The following FBXO38 variants were observed in gnomAD, a reference collection of about 807,000 sequenced individuals.
FBXO38 encodes the protein F-box protein 38.
FBXO38 carries 53 observed loss-of-function variants against 131.9 expected under a neutral mutation model. That is an observed-to-expected ratio of 0.40 (90% CI 0.32 to 0.51). The LOEUF (loss-of-function observed/expected upper bound fraction) is 0.51. FBXO38 is among the 20% of genes least tolerant of loss of function. The pLI, the probability that FBXO38 is intolerant of heterozygous loss-of-function variation, is 0.53. For synonymous variants in FBXO38, 452 were observed against 505.6 expected (o/e 0.89, Z 1.42); for missense variants, 1,076 against 1,475.6 (o/e 0.73, Z 4.44).
intron 5 of FBXO38, 104 bp from the exon 6 acceptor site, chr5:148,404,581 G>A (rs1042742524): frequency 3.1e-6 from 3 of 974,364 alleles, no homozygotes; most frequent in South Asian, 4.9e-5. Context: ...ATCCTTGAAG[G>A]TTAAGCTGTT....
At chr5:148,393,390 A>G (rs13155496) in intron 1 of FBXO38, among the ~76,000 whole-genome samples, 1 of 152,082 alleles carries the variant, frequency 6.6e-6, no homozygotes, top group African/African-American at 2.4e-5. Flanking sequence ...GGCAAAAAAA[A>G]CCTCAGGAAC....
intron 12 of FBXO38, among the ~76,000 whole-genome samples, chr5:148,419,285 A>G (rs1336643132): frequency 6.6e-6 from 1 of 152,230 alleles, no homozygotes; most frequent in African/African-American, 2.4e-5. Context: ...ATTAGATTCC[A>G]CAGGTCACTC....
chr5:148,387,655 A>T (rs540739818), intron 1 of FBXO38, among the ~76,000 whole-genome samples: 19 of 151,132 alleles, frequency 1.3e-4, no homozygotes, highest in Middle Eastern at 3.5e-3. Flanking sequence ...GAGGAATCAC[A>T]GTCTATGGCA....
At chr5:148,411,612 A>T (rs1230018641) in intron 9 of FBXO38, among the ~76,000 whole-genome samples, 1 of 152,134 alleles carries the variant, frequency 6.6e-6, no homozygotes, top group Admixed American at 6.6e-5. Context: ...ATATATTACA[A>T]TAATAGTTGT....
intron 12 of FBXO38, among the ~76,000 whole-genome samples, chr5:148,418,272 C>T (rs868295603): frequency 2.0e-5 from 3 of 152,172 alleles, no homozygotes; most frequent in Non-Finnish European, 4.4e-5. Context: ...TGGTTTTTCT[C>T]CTACCTCATT....
rs1304087067 is a variant in FBXO38, at chr5:148,439,690, A to G, written c.3068A>G (p.Tyr1023Cys). The G allele has an allele frequency of 6.2e-7, 1 of 1,607,870 alleles. No homozygotes were observed. The highest frequency in any genetic ancestry group is 8.5e-7 in the Non-Finnish European group (1 of 1,179,682). Reference sequence around the variant, plus strand: ...GAGCAGAAGCTATTTAGTGGTCCCTACCCCTATCACATCTGTATTATCCAT... The same window carrying G: ...GAGCAGAAGCTATTTAGTGGTCCCTGCCCCTATCACATCTGTATTATCCAT... The part of the protein sequence containing the change: ...TLEQKLFSGP[Y>C]PYHICIIHEF... The change falls in exon 19 of 22, where the codon TAC becomes TGC. Residue 1023 changes from tyrosine to cysteine, a missense_variant. Tyr to Cys is a radical substitution (Grantham distance 194). Transcript: ENST00000340253.
chr5:148,415,512 C>T (rs1753001709), intron 10 of FBXO38: 1 of 201,698 alleles, frequency 5.0e-6, no homozygotes, highest in South Asian at 7.8e-5. Context: ...TATACACTGT[C>T]CTGTAGCTTG....
At chr5:148,438,580 G>A (rs1754486336) in intron 18 of FBXO38, 82 bp downstream of exon 18, 3 of 1,468,336 alleles carry the variant, frequency 2.0e-6, no homozygotes, top group Non-Finnish European at 2.8e-6. Flanking sequence ...TTAGCCTTTT[G>A]GATTTGGCAT....
chr5:148,395,048 C>A, intron 2 of FBXO38, 144 bp downstream of exon 2: 1 of 827,300 alleles, frequency 1.2e-6, no homozygotes, highest in Non-Finnish European at 1.8e-6. Flanking sequence ...TCGTCAGTTG[C>A]ACTGGCTACA....
chr5:148,398,759 C>T (rs758227313), intron 2 of FBXO38, among the ~76,000 whole-genome samples: 49 of 150,846 alleles, frequency 3.2e-4, no homozygotes, highest in Non-Finnish European at 5.5e-4. Flanking sequence ...AGAAGAAAGG[C>T]AGGTTTTATC....
At chr5:148,432,655 C>T (rs772870970) in intron 15 of FBXO38, among the ~76,000 whole-genome samples, 3 of 152,198 alleles carry the variant, frequency 2.0e-5, no homozygotes, top group Non-Finnish European at 2.9e-5. Flanking sequence ...TCTGTTTTAC[C>T]TGTGATGCAT....
chr5:148,437,164 A>G (rs1481187168), intron 17 of FBXO38, among the ~76,000 whole-genome samples: 5 of 152,230 alleles, frequency 3.3e-5, no homozygotes, highest in African/African-American at 1.2e-4. Flanking sequence ...CTCAGGCCCA[A>G]CCTTCTCCCC....
rs1754492706 is a variant in FBXO38 at position 148,438,637 on chromosome 5, G to T, written c.3024+139G>T. The T allele has an allele frequency of 3.5e-6, 3 of 851,144 alleles. 1 individual carries two copies. In the Admixed American group the frequency reaches 8.8e-5, roughly 25 times the overall value. 52.7% of individuals were successfully genotyped at this position (851,144 alleles called of 1,614,324 possible). A position where few individuals can be genotyped will look rare whatever the true frequency, so the allele number is the denominator to read the frequency against. ...AGTAATGATATTTTAGTTTTTACAG[G>T]TTATGTATGATATAGGGAGTTGTTA... On this transcript the variant is annotated intron_variant, in intron 18 of 21. Transcript: ENST00000340253.
At chr5:148,399,936 A>T (rs565467314) in intron 3 of FBXO38, among the ~76,000 whole-genome samples, 120 of 152,170 alleles carry the variant, frequency 7.9e-4, no homozygotes, top group South Asian at 2.1e-3. Context: ...AAAATAAAAA[A>T]AAAAGCCTTA....
At position 148,441,220 on chromosome 5, in the gene FBXO38, T is replaced by C; in HGVS notation, c.3371T>C (p.Phe1124Ser). 1 of 1,613,330 alleles carries C rather than the reference T, an allele frequency of 6.2e-7. No homozygotes were observed. Among genetic ancestry groups the C allele is most frequent in the Non-Finnish European group, 8.5e-7 (1 of 1,179,470 alleles). ...AEPNSFARYD[F>S]EDDEESTIYA... Reference sequence around the variant, plus strand: ...CCCAACAGCTTCGCTCGATACGACTTTGAAGACGATGAAGAAAGTAATTAT... The same window carrying C: ...CCCAACAGCTTCGCTCGATACGACTCTGAAGACGATGAAGAAAGTAATTAT... Residue 1124 changes from phenylalanine to serine, a missense_variant, in exon 21 of 22, where the codon TTT becomes TCT. Coordinates refer to ENST00000340253, the MANE Select transcript of FBXO38 (RefSeq NM_205836.3).
Position 148,427,967 on chromosome 5 carries a change from A to T in FBXO38, c.2653+20A>T. ...AGTCAGGTATGACAATGCTCCTAGGATTAGCAACTGCAGGGTAGGGCTGCA... is the reference window on the plus strand; with the variant it reads ...AGTCAGGTATGACAATGCTCCTAGGTTTAGCAACTGCAGGGTAGGGCTGCA... On this transcript the variant is annotated intron_variant, in intron 15 of 21. Coordinates refer to ENST00000340253, the MANE Select transcript of FBXO38 (RefSeq NM_205836.3). 1 of 1,486,430 alleles carries T rather than the reference A, an allele frequency of 6.7e-7. No individual in the cohort carries two copies. The highest frequency in any genetic ancestry group is 9.0e-7 in the Non-Finnish European group (1 of 1,117,212). The allele number at this position is 1,486,430 out of a possible 1,614,324, so 92.1% of individuals were successfully genotyped here. A position where few individuals can be genotyped will look rare whatever the true frequency, so the allele number is the denominator to read the frequency against.
intron 1 of FBXO38, among the ~76,000 whole-genome samples, chr5:148,387,198 A>G (rs1232529002): frequency 1.3e-5 from 2 of 152,252 alleles, no homozygotes; most frequent in Admixed American, 6.5e-5. Flanking sequence ...TGCCGTATCA[A>G]CTGAGTTTAT....
chr5:148,393,129 CCA>C (rs1758287683), intron 1 of FBXO38, among the ~76,000 whole-genome samples: 1 of 150,518 alleles, frequency 6.6e-6, no homozygotes, highest in Non-Finnish European at 1.5e-5. Flanking sequence ...ATATACCAGT[CCA>C]CACACATTGA....
At chr5:148,433,028 G>A (rs1204795647) in intron 15 of FBXO38, among the ~76,000 whole-genome samples, 2 of 152,198 alleles carry the variant, frequency 1.3e-5, no homozygotes, top group Non-Finnish European at 2.9e-5. Context: ...GGACAGAGCT[G>A]AAGCATAGCT....
Sources: gnomAD v4.1 joint callset for allele counts (sites outside exome capture counted in the v4.1 genomes callset) on GRCh38, gnomAD v4.1.1 for gene constraint, MANE v1.5 for transcripts, NCBI Gene and HGNC (gene_info 2026-07-23, HGNC 2026-07-21) for gene names.